The following CFAP126 variants were observed in gnomAD, a reference collection of about 807,000 sequenced individuals.
The protein encoded by CFAP126 is cilia and flagella associated protein 126.
CFAP126 carries 21 observed loss-of-function variants against 17.1 expected under a neutral mutation model. The ratio of observed to expected loss-of-function variants is 1.23; its 90% CI spans 0.87 to 1.77. The LOEUF is 1.77. Among genes scored for constraint, CFAP126 ranks in the 40% most tolerant of loss-of-function variants. CFAP126 has a pLI of 0.00. For synonymous variants in CFAP126, 65 were observed against 73.5 expected, an observed-to-expected ratio of 0.88 and a Z score of 0.59; for missense variants, 174 against 215.4, an observed-to-expected ratio of 0.81 and a Z score of 1.20.
At chr1:161,366,329 A>C in intron 2 of CFAP126, 51 bp from the exon 3 acceptor site, 4 of 1,575,566 alleles carry the variant, frequency 2.5e-6, no homozygotes, top group Non-Finnish European at 2.6e-6. Flanking sequence ...AAAGGGAAGT[A>C]TTTGGGGAGC....
At chr1:161,366,366 A>G (rs1672730696) in intron 2 of CFAP126, 73 bp downstream of exon 2, 4 of 1,570,828 alleles carry the variant, frequency 2.5e-6, no homozygotes, top group Non-Finnish European at 3.5e-6. Context: ...ATGGGAGTTT[A>G]GAGAATGCTA....
chr1:161,366,634 A>C, intron 1 of CFAP126, 133 bp from the exon 2 acceptor site: 2 of 815,062 alleles, frequency 2.5e-6, no homozygotes, highest in Non-Finnish European at 4.2e-6. Context: ...CACTATGACA[A>C]GGGTGTAATT....
At chr1:161,365,258 A>AAG in intron 4 of CFAP126, 108 bp from the exon 5 acceptor site, 1 of 1,165,346 alleles carries the variant, frequency 8.6e-7, no homozygotes, top group Non-Finnish European at 1.2e-6. Flanking sequence ...CATGGGCAGT[A>AAG]GATCAAGTTT....
At chr1:161,367,768 TGAGAGGG>T in intron 1 of CFAP126, 67 bp downstream of exon 1, 1 of 1,331,314 alleles carries the variant, frequency 7.5e-7, no homozygotes, top group South Asian at 1.2e-5. Flanking sequence ...CAGAATCCTA[TGAGAGGG>T]GACAGTCCAA....
At chr1:161,365,973 C>T (rs1672716070) in intron 3 of CFAP126, 1 of 606,504 alleles carries the variant, frequency 1.6e-6, no homozygotes, top group East Asian at 2.8e-5. Context: ...CACCTGAAGG[C>T]TTTCATTTAT....
chr1:161,367,002 T>C (rs1221574585), intron 1 of CFAP126: 2 of 156,564 alleles, frequency 1.3e-5, no homozygotes, highest in African/African-American at 4.8e-5. Flanking sequence ...CTCAAACCCC[T>C]GGCCTCAAGC....
chr1:161,365,356 C>T (rs1672691768), intron 4 of CFAP126, 170 bp downstream of exon 4: 1 of 938,172 alleles, frequency 1.1e-6, no homozygotes, highest in Non-Finnish European at 1.6e-6. Context: ...GTATGATGTC[C>T]TTAGCCCATC....
chr1:161,366,078 T>G, intron 3 of CFAP126, 120 bp downstream of exon 3: 1 of 884,930 alleles, frequency 1.1e-6, no homozygotes, highest in East Asian at 2.6e-5. Flanking sequence ...GCTCTCACAT[T>G]ACAACATGAA....
chr1:161,366,236 C>G lies in CFAP126; in HGVS notation c.133G>C (p.Asp45His), dbSNP rs888512098. 4 of 1,613,722 alleles carry G rather than the reference C, an allele frequency of 2.5e-6. No homozygotes were observed. Among genetic ancestry groups the G allele is most frequent in the Non-Finnish European group, 3.4e-6 (4 of 1,179,822 alleles). The change falls in exon 3 of 5, where the codon GAT becomes CAT. Residue 45 changes from aspartate (D) to histidine (H), a missense_variant. By Grantham distance (81) the Asp-to-His change is moderately conservative. Transcript: ENST00000367974. ...HEGYTQIIAN[D>H]RGHLLPSVPR... is the part of the protein sequence containing the mutation. Reference sequence around the variant, plus strand: ...ACAGAAGGCAGTAGATGACCACGATCGTTGGCAATAATTTGAGTGTAGCCT... The same window carrying G: ...ACAGAAGGCAGTAGATGACCACGATGGTTGGCAATAATTTGAGTGTAGCCT...
chr1:161,365,849 C>T (rs1305015470), intron 3 of CFAP126, 147 bp from the exon 4 acceptor site: 14 of 821,166 alleles, frequency 1.7e-5, no homozygotes, highest in Non-Finnish European at 2.3e-5. Context: ...CCTTATCCCC[C>T]TCCCTCATTT....
At chr1:161,365,406 A>C in intron 4 of CFAP126, 120 bp downstream of exon 4, 1 of 1,230,364 alleles carries the variant, frequency 8.1e-7, no homozygotes, top group Non-Finnish European at 1.2e-6. Flanking sequence ...TAGTCAAGAT[A>C]AGACAAATTG....
intron 3 of CFAP126, chr1:161,365,938 GGA>G (rs1672714315): frequency 1.6e-6 from 1 of 606,580 alleles, no homozygotes; most frequent in Non-Finnish European, 2.9e-6. Flanking sequence ...GTGTGGCAAA[GGA>G]GTACCCACTG....
chr1:161,365,471 G>A, intron 4 of CFAP126, 55 bp downstream of exon 4: 1 of 1,583,014 alleles, frequency 6.3e-7, no homozygotes. Context: ...CATTTTTTGA[G>A]GTTGAAAAGA....
chr1:161,367,382 A>C (rs1375311115), intron 1 of CFAP126: 2 of 155,226 alleles, frequency 1.3e-5, no homozygotes, highest in African/African-American at 4.8e-5. Flanking sequence ...GAACATTTAC[A>C]ATTGATTCAG....
rs773665050 is a variant in CFAP126 at position 161,364,928 on chromosome 1, C to T, written c.*37G>A. 1 of 1,592,376 alleles carries T rather than the reference C, an allele frequency of 6.3e-7. No individual in the cohort carries two copies. The highest frequency in any genetic ancestry group is 8.6e-7 in the Non-Finnish European group (1 of 1,162,114). ...GGACCTCAGCTAGATTAGGCCCTGC[C>T]CAGAGTTCTAGCATACGTGGACTTC... is the stretch of plus-strand genomic sequence containing the variant. On this transcript the variant is annotated 3_prime_UTR_variant, in exon 5 of 5. Transcript: ENST00000367974.
At chr1:161,367,543 AT>A in intron 1 of CFAP126, 1 of 355,518 alleles carries the variant, frequency 2.8e-6, no homozygotes, top group Non-Finnish European at 5.0e-6. Flanking sequence ...TTCTTTAATT[AT>A]GCAAGTAGCT....
intron 3 of CFAP126, 175 bp from the exon 4 acceptor site, chr1:161,365,877 T>A: frequency 1.5e-6 from 1 of 685,286 alleles, no homozygotes. Flanking sequence ...GCAGGCCTAA[T>A]TTTTTCATCC....
chr1:161,366,674 T>C, intron 1 of CFAP126, 173 bp from the exon 2 acceptor site: 1 of 634,716 alleles, frequency 1.6e-6, no homozygotes, highest in South Asian at 1.9e-5. Context: ...CTGTCCAGCA[T>C]GGAGCCGGGA....
At position 161,364,759 on chromosome 1, in the gene CFAP126, T is replaced by C. The variant is rs1672665749; in HGVS notation, c.*206A>G. On this transcript the variant is annotated 3_prime_UTR_variant, in exon 5 of 5. Coordinates refer to ENST00000367974, the MANE Select transcript of CFAP126 (RefSeq NM_001013625.4). ...AAGATTCAACAAAAAAAAGTTTATT[T>C]TCCAAATTTGCTTTTACTCCCACCC... The C allele has an allele frequency of 5.7e-6, 3 of 527,518 alleles. No individual in the cohort carries two copies. Among genetic ancestry groups the C allele is most frequent in the Non-Finnish European group, 9.9e-6 (3 of 302,370 alleles). 32.7% of individuals were successfully genotyped at this position (527,518 alleles called of 1,614,324 possible). A position where few individuals can be genotyped will look rare whatever the true frequency, so the allele number is the denominator to read the frequency against.
Sources: allele counts gnomAD v4.1 joint callset, GRCh38; gene constraint gnomAD v4.1.1; transcripts MANE v1.5; gene names NCBI Gene and HGNC (gene_info 2026-07-23, HGNC 2026-07-21).